APP: variants seen among roughly 807,000 people sequenced by gnomAD.
APP encodes amyloid-beta precursor protein.
APP carries 31 observed loss-of-function variants against 101.4 expected under a neutral mutation model. That is an observed-to-expected ratio of 0.31 (90% CI 0.23 to 0.41). The LOEUF (loss-of-function observed/expected upper bound fraction) is 0.41. APP is among the 10% of genes least tolerant of loss of function. The pLI, the probability that APP is intolerant of heterozygous loss-of-function variation, is 1.00. For synonymous variants in APP, 366 were observed against 364.4 expected, an observed-to-expected ratio of 1.00 and a Z score of -0.05; for missense variants, 839 against 1,003.7, an observed-to-expected ratio of 0.84 and a Z score of 2.22.
intron 16 of APP, among the ~76,000 whole-genome samples, chr21:25,897,130 TTC>T (rs1464301672): frequency 6.6e-6 from 1 of 152,088 alleles, no homozygotes; most frequent in Non-Finnish European, 1.5e-5. Flanking sequence ...CCTCTTTCTT[TTC>T]TTTTTTTTTT....
At chr21:25,893,714 A>C (rs2037844168) in intron 16 of APP, among the ~76,000 whole-genome samples, 1 of 152,246 alleles carries the variant, frequency 6.6e-6, no homozygotes, top group Non-Finnish European at 1.5e-5. Context: ...TAAGGGAAGA[A>C]GCCATCTCCA....
At chr21:25,918,505 C>A (rs1446899870) in intron 13 of APP, among the ~76,000 whole-genome samples, 4 of 151,996 alleles carry the variant, frequency 2.6e-5, no homozygotes, top group African/African-American at 9.6e-5. Context: ...AGACAGTGGG[C>A]GCAGGCCAGT....
chr21:25,983,045 A>C (rs2042498936), intron 8 of APP, among the ~76,000 whole-genome samples: 1 of 152,230 alleles, frequency 6.6e-6, no homozygotes, highest in African/African-American at 2.4e-5. Context: ...CACATTTTTG[A>C]ATCACAAAAG....
chr21:26,017,799 A>G (rs886084501), intron 6 of APP, among the ~76,000 whole-genome samples: 11 of 152,230 alleles, frequency 7.2e-5, no homozygotes, highest in African/African-American at 2.7e-4. Context: ...ATTAGGAGCA[A>G]GTATCTAAAT....
intron 1 of APP, among the ~76,000 whole-genome samples, chr21:26,138,088 C>G (rs2062959258): frequency 6.6e-6 from 1 of 152,112 alleles, no homozygotes; most frequent in Non-Finnish European, 1.5e-5. Context: ...ATCCAGTGGC[C>G]TTTCTCTCTG....
intron 5 of APP, among the ~76,000 whole-genome samples, chr21:26,031,755 A>G (rs1339622359): frequency 6.6e-6 from 1 of 152,166 alleles, no homozygotes; most frequent in Non-Finnish European, 1.5e-5. Flanking sequence ...ATTGAAGTTG[A>G]TATTTGAATG....
chr21:26,118,901 A>T (rs568104060), intron 1 of APP, among the ~76,000 whole-genome samples: 30 of 152,274 alleles, frequency 2.0e-4, no homozygotes, highest in African/African-American at 7.0e-4. Flanking sequence ...AAATGAAAAA[A>T]AAATATATAT....
intron 11 of APP, among the ~76,000 whole-genome samples, chr21:25,964,130 C>T (rs1017637877): frequency 6.6e-6 from 1 of 152,122 alleles, no homozygotes; most frequent in African/African-American, 2.4e-5. Context: ...AGGAGTTATC[C>T]CAATGTTCCT....
intron 5 of APP, among the ~76,000 whole-genome samples, chr21:26,050,232 G>C (rs1398998813): frequency 2.6e-5 from 4 of 152,134 alleles, no homozygotes; most frequent in Non-Finnish European, 5.9e-5. Flanking sequence ...TGTAGCTCTA[G>C]GGAACATCTA....
At position 26,000,103 on chromosome 21, in the gene APP, C is replaced by G; in HGVS notation, c.945G>C (p.Lys315Asn). The G allele has an allele frequency of 6.2e-7, 1 of 1,614,248 alleles. No individual in the cohort carries two copies. The highest frequency in any genetic ancestry group is 8.5e-7 in the Non-Finnish European group (1 of 1,180,032). Reference protein sequence around the residue: ...SRWYFDVTEGKCAPFFYGGCG... With the variant: ...SRWYFDVTEGNCAPFFYGGCG... Reference sequence around the variant, plus strand: ...ATCCGCCGTAAAAGAATGGGGCACACTTCCCTTCAGTCACATCAAAGTACC... The same window carrying G: ...ATCCGCCGTAAAAGAATGGGGCACAGTTCCCTTCAGTCACATCAAAGTACC... Residue 315 changes from lysine to asparagine, a missense_variant, in exon 7 of 18, where the codon AAG (lysine) becomes AAC (asparagine). Transcript: ENST00000346798.
Position 26,021,951 on chromosome 21 carries a change from C to A in APP, c.754G>T (p.Asp252Tyr). The change falls in exon 6 of 18, where the codon GAT becomes TAT. Residue 252 changes from aspartate (D) to tyrosine (Y), a missense_variant. By Grantham distance (160) the Asp-to-Tyr change is radical. Transcript: ENST00000346798. ...TCCTCAGCCTCTTCCTCTACCTCATCACCATCCTCATCGTCCTCGTCATCA... is the reference window on the plus strand; with the variant it reads ...TCCTCAGCCTCTTCCTCTACCTCATAACCATCCTCATCGTCCTCGTCATCA... Reference protein sequence around the residue: ...ADDDEDDEDGDEVEEEAEEPY... With the variant: ...ADDDEDDEDGYEVEEEAEEPY... 6.2e-7 allele frequency: 1 copy of A among 1,613,736 alleles called. No homozygotes were observed. The highest frequency in any genetic ancestry group is 8.5e-7 in the Non-Finnish European group (1 of 1,179,788).
At chr21:26,048,741 A>T (rs1185124075) in intron 5 of APP, among the ~76,000 whole-genome samples, 1 of 151,724 alleles carries the variant, frequency 6.6e-6, no homozygotes, top group African/African-American at 2.4e-5. Flanking sequence ...AGGGTAGTAT[A>T]GCAGAGCAAG....
At chr21:25,960,562 G>A (rs2041536481) in intron 11 of APP, among the ~76,000 whole-genome samples, 2 of 152,234 alleles carry the variant, frequency 1.3e-5, no homozygotes, top group South Asian at 4.2e-4. Flanking sequence ...AGTCAGTACG[G>A]AAACAGCTGT....
intron 5 of APP, among the ~76,000 whole-genome samples, chr21:26,042,095 A>G (rs187941641): frequency 6.6e-6 from 1 of 152,270 alleles, no homozygotes; most frequent in Non-Finnish European, 1.5e-5. Context: ...TATCTTTTGT[A>G]TGATTCACTT....
intron 5 of APP, among the ~76,000 whole-genome samples, chr21:26,024,750 C>T (rs2044496007): frequency 6.6e-6 from 1 of 152,040 alleles, no homozygotes; most frequent in African/African-American, 2.4e-5. Flanking sequence ...ACGTAGGATA[C>T]AAGAATAGTA....
At chr21:25,903,200 C>G (rs1268619277) in intron 15 of APP, among the ~76,000 whole-genome samples, 1 of 151,668 alleles carries the variant, frequency 6.6e-6, no homozygotes, top group Non-Finnish European at 1.5e-5. Flanking sequence ...AATCCCGTCT[C>G]TACTGAAAAT....
chr21:25,917,919 A>AG (rs1412775923), intron 13 of APP, among the ~76,000 whole-genome samples: 1 of 136,322 alleles, frequency 7.3e-6, no homozygotes, highest in African/African-American at 2.8e-5. Context: ...AAACATATGA[A>AG]AAAAAAAAAA....
chr21:26,131,379 A>C (rs1048489084), intron 1 of APP, among the ~76,000 whole-genome samples: 7 of 152,190 alleles, frequency 4.6e-5, no homozygotes, highest in African/African-American at 1.7e-4. Context: ...CAACCATTTT[A>C]TTGTTCACAG....
chr21:26,116,835 G>C (rs1284401438), intron 1 of APP, among the ~76,000 whole-genome samples: 1 of 152,116 alleles, frequency 6.6e-6, no homozygotes, highest in African/African-American at 2.4e-5. Context: ...GAAGTATTTG[G>C]TACTTTTTAA....
Sources: allele counts gnomAD v4.1 joint callset (sites outside exome capture counted in the v4.1 genomes callset), GRCh38; gene constraint gnomAD v4.1.1; transcripts MANE v1.5; gene names NCBI Gene and HGNC (gene_info 2026-07-23, HGNC 2026-07-21).